CNTNAP2: variants seen among roughly 807,000 people sequenced by gnomAD.
CNTNAP2 encodes the protein contactin associated protein 2, also known as contactin-associated protein-like 2.
Under a neutral mutation model 155.2 loss-of-function variants are expected in CNTNAP2, and 98 were observed. The ratio of observed to expected loss-of-function variants is 0.63; its 90% confidence interval spans 0.54 to 0.75. CNTNAP2 has a LOEUF of 0.75. Ranked by LOEUF, CNTNAP2 falls within the 30% of genes least tolerant of loss-of-function variation. The pLI is 0.00. For synonymous variants in CNTNAP2, 651 were observed against 631.2 expected, an observed-to-expected ratio of 1.03 and a Z score of -0.47; for missense variants, 1,727 against 1,688.1, an observed-to-expected ratio of 1.02 and a Z score of -0.40.
At chr7:147,050,078 G>A (rs899282891) in intron 4 of CNTNAP2, among the ~76,000 whole-genome samples, 2 of 151,934 alleles carry the variant, frequency 1.3e-5, no homozygotes, top group South Asian at 2.1e-4. Flanking sequence ...CTTCCTCTAC[G>A]TTTGGTTTTC....
At chr7:146,146,753 T>C (rs572121474) in intron 1 of CNTNAP2, among the ~76,000 whole-genome samples, 3 of 152,194 alleles carry the variant, frequency 2.0e-5, no homozygotes, top group Admixed American at 1.3e-4. Context: ...CTAAACAATA[T>C]ATGAACTTTT....
intron 14 of CNTNAP2, among the ~76,000 whole-genome samples, chr7:147,963,014 G>A (rs1289279935): frequency 6.7e-6 from 1 of 149,944 alleles, no homozygotes; most frequent in East Asian, 2.0e-4. Context: ...ACAGTGCGAA[G>A]TGTCTGCTTC....
intron 3 of CNTNAP2, among the ~76,000 whole-genome samples, chr7:146,842,998 T>TAAACAACCAGATCTCCTGGGAATTCAC (rs1803768140): frequency 7.0e-4 from 39 of 55,784 alleles, no homozygotes; most frequent in African/African-American, 3.9e-3. Context: ...CCCACACTTT[T>TAAACAACCAGATCTCCTGGGAATTCAC]TTTTTTTTTT....
chr7:146,528,402 A>G (rs1306196141), intron 1 of CNTNAP2, among the ~76,000 whole-genome samples: 1 of 152,210 alleles, frequency 6.6e-6, no homozygotes, highest in Non-Finnish European at 1.5e-5. Context: ...TGAAGGTTAA[A>G]TGAAATAAGA....
intron 21 of CNTNAP2, among the ~76,000 whole-genome samples, chr7:148,312,606 C>T (rs542467053): frequency 0.016 from 2,452 of 152,226 alleles, 52 homozygotes; most frequent in African/African-American, 0.056. Context: ...TTTGGCACCA[C>T]AGGGTGGATA....
chr7:147,750,597 A>T (rs1257671252), intron 13 of CNTNAP2, among the ~76,000 whole-genome samples: 1 of 152,230 alleles, frequency 6.6e-6, no homozygotes, highest in Non-Finnish European at 1.5e-5. Flanking sequence ...ATGATGCCAG[A>T]TTGCTTCAGG....
intron 1 of CNTNAP2, among the ~76,000 whole-genome samples, chr7:146,523,273 T>C (rs935155105): frequency 6.6e-6 from 1 of 152,080 alleles, no homozygotes; most frequent in African/African-American, 2.4e-5. Flanking sequence ...TCAGTAAAAT[T>C]TCGGTCCAAT....
chr7:146,768,266 A>T (rs951381974), intron 1 of CNTNAP2, among the ~76,000 whole-genome samples: 1 of 151,304 alleles, frequency 6.6e-6, no homozygotes, highest in South Asian at 2.1e-4. Context: ...GCTGAACGAA[A>T]AGCTCTTCTA....
chr7:147,473,995 C>T (rs1172124432), intron 10 of CNTNAP2, among the ~76,000 whole-genome samples: 2 of 152,028 alleles, frequency 1.3e-5, no homozygotes, highest in Non-Finnish European at 2.9e-5. Flanking sequence ...AGGAGAATTA[C>T]TTGAACCTTG....
intron 13 of CNTNAP2, among the ~76,000 whole-genome samples, chr7:147,815,645 T>C (rs1467970146): frequency 6.6e-6 from 1 of 152,190 alleles, no homozygotes; most frequent in African/African-American, 2.4e-5. Flanking sequence ...CACAATTTCG[T>C]GTGCAATGTC....
chr7:146,652,584 G>T (rs1799934975), intron 1 of CNTNAP2, among the ~76,000 whole-genome samples: 1 of 151,964 alleles, frequency 6.6e-6, no homozygotes, highest in Non-Finnish European at 1.5e-5. Flanking sequence ...TCCAATTTGG[G>T]TTATTATTAA....
intron 9 of CNTNAP2, among the ~76,000 whole-genome samples, chr7:147,314,343 T>A (rs975858169): frequency 6.6e-6 from 1 of 152,180 alleles, no homozygotes; most frequent in Non-Finnish European, 1.5e-5. Context: ...ACATTGTCTT[T>A]AATACTTTTC....
intron 1 of CNTNAP2, among the ~76,000 whole-genome samples, chr7:146,411,261 A>G (rs1337997875): frequency 6.6e-6 from 1 of 150,942 alleles, no homozygotes; most frequent in East Asian, 2.0e-4. Flanking sequence ...GGTTCAAGCG[A>G]TTCTCCTGCT....
At chr7:147,079,526 A>G (rs891578374) in intron 4 of CNTNAP2, among the ~76,000 whole-genome samples, 1 of 151,868 alleles carries the variant, frequency 6.6e-6, no homozygotes, top group Admixed American at 6.6e-5. Flanking sequence ...GCACACCAAC[A>G]TGGCATATGT....
At chr7:146,246,919 G>A (rs1274455464) in intron 1 of CNTNAP2, among the ~76,000 whole-genome samples, 2 of 152,172 alleles carry the variant, frequency 1.3e-5, no homozygotes, top group Non-Finnish European at 2.9e-5. Flanking sequence ...CTTGTGTGCT[G>A]GAGATGTGGC....
At chr7:147,839,533 GT>G (rs552186860) in intron 13 of CNTNAP2, among the ~76,000 whole-genome samples, 86 of 152,224 alleles carry the variant, frequency 5.6e-4, no homozygotes, top group African/African-American at 1.9e-3. Context: ...AGCCATGAAG[GT>G]TGTTTTAGGT....
intron 18 of CNTNAP2, among the ~76,000 whole-genome samples, chr7:148,173,575 C>T (rs1794870818): frequency 6.6e-6 from 1 of 152,108 alleles, no homozygotes; most frequent in Non-Finnish European, 1.5e-5. Flanking sequence ...TTAGGCCAGA[C>T]AGGGTATGAA....
chr7:146,307,174 A>T (rs964044274), intron 1 of CNTNAP2, among the ~76,000 whole-genome samples: 1 of 152,190 alleles, frequency 6.6e-6, no homozygotes, highest in Admixed American at 6.5e-5. Flanking sequence ...AAGTATTCTT[A>T]CACACCAATA....
chr7:147,448,009 T>C (rs928849202), intron 10 of CNTNAP2, among the ~76,000 whole-genome samples: 1 of 152,110 alleles, frequency 6.6e-6, no homozygotes, highest in Non-Finnish European at 1.5e-5. Flanking sequence ...TTCATGATCA[T>C]GCATAGCTCC....
Sources: gnomAD v4.1 joint callset for allele counts (sites outside exome capture counted in the v4.1 genomes callset) on GRCh38, gnomAD v4.1.1 for gene constraint, MANE v1.5 for transcripts, NCBI Gene and HGNC (gene_info 2026-07-23, HGNC 2026-07-21) for gene names.